The following AXDND1 variants were observed in gnomAD, a reference collection of about 807,000 sequenced individuals.
AXDND1 encodes the protein axonemal dynein light chain domain containing 1.
Under a neutral mutation model 137.5 loss-of-function variants are expected in AXDND1, and 110 were observed. The ratio of observed to expected loss-of-function variants is 0.80; its 90% CI spans 0.69 to 0.94. AXDND1 has a LOEUF of 0.94. AXDND1 is among the 40% of genes least tolerant of loss of function. AXDND1 has a pLI of 0.00. For synonymous variants in AXDND1, 414 were observed against 399.7 expected (o/e 1.04, Z -0.43); for missense variants, 1,191 against 1,169.8 (o/e 1.02, Z -0.26).
At chr1:179,526,099 C>G (rs1446619682) in intron 22 of AXDND1, among the ~76,000 whole-genome samples, 1 of 151,966 alleles carries the variant, frequency 6.6e-6, no homozygotes, top group African/African-American at 2.4e-5. Flanking sequence ...CACATTTTTT[C>G]AGATAACACT....
chr1:179,468,387 TA>T, intron 16 of AXDND1, 55 bp from the exon 17 acceptor site: 1 of 1,241,606 alleles, frequency 8.1e-7, no homozygotes, highest in Non-Finnish European at 1.1e-6. Context: ...AATTTGGTAT[TA>T]AAATAGTAGT....
chr1:179,373,691 AT>A, intron 4 of AXDND1, among the ~76,000 whole-genome samples: 1 of 152,322 alleles, frequency 6.6e-6, no homozygotes, highest in South Asian at 2.1e-4. Flanking sequence ...CAACCATCTG[AT>A]CTTTGACAAA....
chr1:179,372,764 A>G (rs927997099), intron 4 of AXDND1, among the ~76,000 whole-genome samples: 12 of 151,876 alleles, frequency 7.9e-5, no homozygotes, highest in African/African-American at 2.7e-4. Context: ...GCTCACCACA[A>G]CCTCTGCCTC....
intron 20 of AXDND1, among the ~76,000 whole-genome samples, chr1:179,507,787 A>G (rs1668673780): frequency 6.6e-6 from 1 of 152,166 alleles, no homozygotes; most frequent in African/African-American, 2.4e-5. Context: ...TTAAAAAAAA[A>G]AAGATAAGGA....
At chr1:179,386,050 C>CTTTTTT (rs71111980) in intron 9 of AXDND1, among the ~76,000 whole-genome samples, 3 of 102,426 alleles carry the variant, frequency 2.9e-5, no homozygotes, top group Admixed American at 1.1e-4. Context: ...GGATTTTTTC[C>CTTTTTT]TTTTTTTTTT....
chr1:179,468,765 A>G, intron 17 of AXDND1, 124 bp downstream of exon 17: 1 of 679,542 alleles, frequency 1.5e-6, no homozygotes. Context: ...ATTTATAGAT[A>G]TAAGTAACCA....
intron 11 of AXDND1, 44 bp downstream of exon 11, chr1:179,395,246 A>G (rs779858883): frequency 2.0e-6 from 3 of 1,490,208 alleles, no homozygotes; most frequent in South Asian, 1.2e-5. Context: ...GGGAAAAGGA[A>G]GAAGCTTATA....
Position 179,554,303 on chromosome 1 carries a change from T to C in AXDND1, c.3032-209T>C, listed in dbSNP as rs563714882. 2.6e-5 allele frequency among the ~76,000 whole-genome samples: 4 copies of C among 152,362 alleles called. No individual in the cohort carries two copies. The South Asian group carries it at 8.3e-4, about 32-fold the overall frequency. On this transcript the variant is annotated intron_variant, in intron 25 of 25. Transcript: ENST00000367618. The stretch of plus-strand genomic sequence containing the variant: ...ATCAGAGTAATTTGTCCAAATGTTA[T>C]AGTGATTGTGTTATGGCTGTAAGAT...
intron 21 of AXDND1, among the ~76,000 whole-genome samples, chr1:179,516,583 C>T (rs542147622): frequency 3.3e-5 from 5 of 152,282 alleles, no homozygotes; most frequent in Non-Finnish European, 7.3e-5. Flanking sequence ...TTTGGGTAGG[C>T]TCTGTCAGAG....
intron 16 of AXDND1, chr1:179,456,060 C>A: frequency 2.2e-6 from 1 of 454,920 alleles, no homozygotes; most frequent in Non-Finnish European, 4.3e-6. Context: ...TAACAGTCCT[C>A]GAGTTTTTTG....
intron 7 of AXDND1, among the ~76,000 whole-genome samples, chr1:179,383,201 T>G (rs976150896): frequency 8.5e-5 from 13 of 152,150 alleles, no homozygotes; most frequent in East Asian, 1.9e-4. Flanking sequence ...AGAATTTTTT[T>G]TGGGGGGAAG....
intron 16 of AXDND1, among the ~76,000 whole-genome samples, chr1:179,467,134 A>T (rs948620385): frequency 2.6e-5 from 4 of 152,188 alleles, no homozygotes; most frequent in Non-Finnish European, 4.4e-5. Flanking sequence ...TCCATGAAAG[A>T]TATTAAAAAT....
intron 8 of AXDND1, among the ~76,000 whole-genome samples, chr1:179,384,987 C>T (rs1157369754): frequency 1.3e-5 from 2 of 152,160 alleles, no homozygotes; most frequent in Non-Finnish European, 2.9e-5. Flanking sequence ...TGGTCTCAAG[C>T]TCCTTGCCTC....
Position 179,434,461 on chromosome 1 carries a change from C to T in AXDND1, c.1563+2119C>T, listed in dbSNP as rs1229451148. ...TGATGCGAAAATCCTCAATAAAATA[C>T]TGGCAAACCGAATCCAGCAGCACAT... On this transcript the variant is annotated intron_variant, in intron 15 of 25. Coordinates refer to ENST00000367618, the MANE Select transcript of AXDND1 (RefSeq NM_144696.6). Among the ~76,000 whole-genome samples the T allele has an allele frequency of 3.3e-5, 5 of 152,284 alleles. No homozygotes were observed. In the East Asian group the frequency reaches 9.6e-4, roughly 29 times the overall value.
chr1:179,430,765 T>G (rs1195359047), intron 14 of AXDND1, among the ~76,000 whole-genome samples, 159 bp downstream of exon 14: 3 of 152,216 alleles, frequency 2.0e-5, no homozygotes, highest in African/African-American at 7.2e-5. Flanking sequence ...CAACCTTGAA[T>G]AGTCCTGTGG....
chr1:179,497,531 C>T (rs1214582942), intron 20 of AXDND1, among the ~76,000 whole-genome samples: 1 of 152,146 alleles, frequency 6.6e-6, no homozygotes, highest in South Asian at 2.1e-4. Flanking sequence ...CCATCTATGA[C>T]AAACCGATAG....
At chr1:179,423,392 C>T (rs1656064444) in intron 12 of AXDND1, among the ~76,000 whole-genome samples, 1 of 152,046 alleles carries the variant, frequency 6.6e-6, no homozygotes, top group Non-Finnish European at 1.5e-5. Context: ...TCCTTTCAGC[C>T]ATTCTGTACC....
intron 16 of AXDND1, chr1:179,456,166 C>G: frequency 1.6e-6 from 1 of 639,932 alleles, no homozygotes. Context: ...TCTGTTGTAA[C>G]CTGTAGCTTC....
At chr1:179,503,268 T>C (rs943390048) in intron 20 of AXDND1, among the ~76,000 whole-genome samples, 4 of 151,972 alleles carry the variant, frequency 2.6e-5, no homozygotes, top group African/African-American at 9.7e-5. Context: ...TATGTCTCTC[T>C]GTATGTATGA....
Sources: allele counts gnomAD v4.1 joint callset (sites outside exome capture counted in the v4.1 genomes callset), GRCh38; gene constraint gnomAD v4.1.1; transcripts MANE v1.5; gene names NCBI Gene and HGNC (gene_info 2026-07-23, HGNC 2026-07-21).